TAMM41: variants seen among roughly 807,000 people sequenced by gnomAD.
TAMM41 encodes the protein TAM41 mitochondrial translocator assembly and maintenance homolog.
Under a neutral mutation model 44.1 loss-of-function variants are expected in TAMM41, and 36 were observed. The ratio of observed to expected loss-of-function variants is 0.82; its 90% CI spans 0.63 to 1.08. The LOEUF (loss-of-function observed/expected upper bound fraction) is 1.08, where lower values mean the gene tolerates loss of function less well. TAMM41 is among the 50% of genes least tolerant of loss of function. TAMM41 has a pLI of 0.00. For synonymous variants in TAMM41, 164 were observed against 153.1 expected, an observed-to-expected ratio of 1.07 and a Z score of -0.53; for missense variants, 417 against 404.3, an observed-to-expected ratio of 1.03 and a Z score of -0.27.
At chr3:11,818,288 T>C (rs143716098) in intron 4 of TAMM41, among the ~76,000 whole-genome samples, 28 of 152,206 alleles carry the variant, frequency 1.8e-4, no homozygotes, top group African/African-American at 6.0e-4. Flanking sequence ...CCAAACTAGG[T>C]CACTTCTGAG....
chr3:11,732,451 C>T, the TAMM41 span, among the ~76,000 whole-genome samples: 1 of 152,144 alleles, frequency 6.6e-6, no homozygotes, highest in East Asian at 1.9e-4. Context: ...GGAGCTTCTC[C>T]TCTAACACGG....
rs375783894 is a variant in TAMM41, at chr3:11,809,716, A to C, written c.709-34T>G. The C allele has an allele frequency of 3.2e-6, 5 of 1,584,010 alleles. No homozygotes were observed. In the African/African-American group the frequency reaches 5.5e-5, roughly 17 times the overall value. ...AGGAAAAAAAAGACGACGTCTATGGAAGTGCTTTAAATCCTACAAATACTC... is the reference window on the plus strand; with the variant it reads ...AGGAAAAAAAAGACGACGTCTATGGCAGTGCTTTAAATCCTACAAATACTC... On this transcript the variant is annotated intron_variant, in intron 5 of 7. Transcript: ENST00000455809.
At position 11,809,742 on chromosome 3, in the gene TAMM41, C is replaced by A. The variant is rs60961621; in HGVS notation, c.709-60G>T. The A allele has an allele frequency of 2.5e-3, 3,891 of 1,528,776 alleles. 80 individuals are homozygous for A. In the African/African-American group the frequency reaches 0.044, roughly 17 times the overall value. The allele number at this position is 1,528,776 out of a possible 1,614,324, so 94.7% of individuals were successfully genotyped here. A position where few individuals can be genotyped will look rare whatever the true frequency, so the allele number is the denominator to read the frequency against. On this transcript the variant is annotated intron_variant, in intron 5 of 7. Transcript: ENST00000455809. ...AGTGCTTTAAATCCTACAAATACTCCAAAACTCAGGGCTTCTCTTTAAAAA... is the reference window on the plus strand; with the variant it reads ...AGTGCTTTAAATCCTACAAATACTCAAAAACTCAGGGCTTCTCTTTAAAAA...
chr3:11,747,052 A>G, the TAMM41 span, among the ~76,000 whole-genome samples: 4,070 of 152,212 alleles, frequency 0.027, 177 homozygotes, highest in African/African-American at 0.093. Context: ...AAGACTACAA[A>G]GACGTGTGGT....
At chr3:11,763,904 G>C in the TAMM41 span, among the ~76,000 whole-genome samples, 1 of 152,198 alleles carries the variant, frequency 6.6e-6, no homozygotes, top group Admixed American at 6.5e-5. Context: ...GTGACCTTCA[G>C]AGTCATTTTT....
the TAMM41 span, among the ~76,000 whole-genome samples, chr3:11,765,274 G>A: frequency 6.6e-6 from 1 of 152,032 alleles, no homozygotes; most frequent in Non-Finnish European, 1.5e-5. Flanking sequence ...ACAAATACCC[G>A]TCACCGCCAT....
intron 7 of TAMM41, among the ~76,000 whole-genome samples, chr3:11,802,407 G>C (rs931604498): frequency 1.3e-4 from 20 of 152,134 alleles, no homozygotes; most frequent in Non-Finnish European, 5.9e-5. Context: ...AAGATCATCA[G>C]AGACTATTAT....
intron 6 of TAMM41, chr3:11,808,643 A>G (rs2077991802): frequency 2.0e-6 from 2 of 981,956 alleles, no homozygotes; most frequent in African/African-American, 1.7e-5. Context: ...AATTTCATAA[A>G]TATTTCTTGA....
chr3:11,803,522 T>G (rs2077815984), intron 7 of TAMM41, among the ~76,000 whole-genome samples: 1 of 152,076 alleles, frequency 6.6e-6, no homozygotes, highest in Non-Finnish European at 1.5e-5. Context: ...CTTAAAGACC[T>G]AAAAATAGAA....
At chr3:11,771,736 C>A in the TAMM41 span, among the ~76,000 whole-genome samples, 4 of 152,052 alleles carry the variant, frequency 2.6e-5, no homozygotes, top group Admixed American at 2.6e-4. Context: ...GCGCCCGCCA[C>A]CACGCCCGGC....
intron 5 of TAMM41, among the ~76,000 whole-genome samples, chr3:11,812,103 T>C (rs1299802560): frequency 1.3e-5 from 2 of 151,954 alleles, no homozygotes; most frequent in Non-Finnish European, 2.9e-5. Flanking sequence ...AATTTTTGTA[T>C]TTTTAGTAGA....
chr3:11,804,188 G>A (rs2077835067), intron 7 of TAMM41, among the ~76,000 whole-genome samples: 1 of 152,216 alleles, frequency 6.6e-6, no homozygotes, highest in Non-Finnish European at 1.5e-5. Flanking sequence ...ACTGCCCTCT[G>A]CTGGTGAGTA....
chr3:11,740,408 A>T, the TAMM41 span, among the ~76,000 whole-genome samples: 1 of 152,150 alleles, frequency 6.6e-6, no homozygotes, highest in African/African-American at 2.4e-5. Flanking sequence ...CAATGGAAAC[A>T]TCTTGCACAA....
At chr3:11,757,253 A>G in the TAMM41 span, among the ~76,000 whole-genome samples, 2 of 152,234 alleles carry the variant, frequency 1.3e-5, no homozygotes, top group Non-Finnish European at 2.9e-5. Flanking sequence ...GAAACATTTT[A>G]CACACTGTAA....
At chr3:11,756,852 C>T in the TAMM41 span, among the ~76,000 whole-genome samples, 4 of 122,062 alleles carry the variant, frequency 3.3e-5, no homozygotes, top group African/African-American at 1.3e-4. Flanking sequence ...GCAACAAGAG[C>T]GAAATTCCGT....
chr3:11,844,526 G>C (rs568056872), intron 1 of TAMM41, among the ~76,000 whole-genome samples: 9 of 152,264 alleles, frequency 5.9e-5, no homozygotes, highest in Middle Eastern at 3.4e-3. Context: ...AATTTTATAA[G>C]AAACCAAGGC....
rs139131628 is a variant in TAMM41, at chr3:11,809,577, C to T, written c.814G>A (p.Val272Met). Residue 272 changes from valine (V) to methionine (M), a missense_variant, in exon 6 of 8, where the codon GTG becomes ATG. Val to Met is a conservative substitution (Grantham distance 21). Coordinates refer to ENST00000455809, the MANE Select transcript of TAMM41 (RefSeq NM_001284401.2). Reference protein sequence around the residue: ...IMDPPGKNRDVEETLFQVAHD... With the variant: ...IMDPPGKNRDMEETLFQVAHD... ...GCCACTTGGAATAAAGTTTCTTCCA[C>T]ATCTCTGTTTTTTCCAGGAGGGTCC... 9.6e-4 allele frequency: 1,542 copies of T among 1,614,124 alleles called. 3 individuals carry two copies. Among genetic ancestry groups the T allele is most frequent in the Non-Finnish European group, 1.1e-3 (1,339 of 1,180,030 alleles).
the TAMM41 span, among the ~76,000 whole-genome samples, chr3:11,769,847 G>C: frequency 6.6e-6 from 1 of 152,176 alleles, no homozygotes; most frequent in South Asian, 2.1e-4. Context: ...CACGCCTCAC[G>C]GCCCAGCTCG....
At chr3:11,774,221 C>A in the TAMM41 span, among the ~76,000 whole-genome samples, 1 of 152,234 alleles carries the variant, frequency 6.6e-6, no homozygotes, top group Non-Finnish European at 1.5e-5. Flanking sequence ...TCTATGAACG[C>A]ACACTTTGTG....
Sources: gnomAD v4.1 joint callset for allele counts (sites outside exome capture counted in the v4.1 genomes callset) on GRCh38, gnomAD v4.1.1 for gene constraint, MANE v1.5 for transcripts, NCBI Gene and HGNC (gene_info 2026-07-23, HGNC 2026-07-21) for gene names.